Variants in NEK10 observed in about 807,000 individuals in gnomAD.
NEK10 encodes NIMA related kinase 10.
NEK10 carries 122 observed loss-of-function variants against 159.8 expected under a neutral mutation model. That is an observed-to-expected ratio of 0.76 (90% CI 0.66 to 0.89). The LOEUF is 0.89. Among genes scored for constraint, NEK10 ranks in the 40% least tolerant of loss-of-function variants. The pLI is 0.00. For missense variants in NEK10, 1,342 were observed against 1,323.1 expected, an observed-to-expected ratio of 1.01 and a Z score of -0.22; for synonymous variants, 466 against 457.1, an observed-to-expected ratio of 1.02 and a Z score of -0.25.
chr3:27,311,218 T>G, intron 8 of NEK10: 1 of 422,068 alleles, frequency 2.4e-6, no homozygotes, highest in East Asian at 3.8e-5. Flanking sequence ...ATTTATTTTC[T>G]AATATTATTG....
chr3:27,278,465 C>T (rs2041922916), intron 22 of NEK10, among the ~76,000 whole-genome samples: 1 of 152,180 alleles, frequency 6.6e-6, no homozygotes, highest in African/African-American at 2.4e-5. Flanking sequence ...AATGCCTGAC[C>T]TGTGATAACA....
intron 22 of NEK10, 52 bp downstream of exon 22, chr3:27,284,550 G>C: frequency 9.9e-7 from 1 of 1,014,996 alleles, no homozygotes; most frequent in Non-Finnish European, 1.6e-6. Context: ...TACTACTCTA[G>C]GATAGTATTC....
intron 12 of NEK10, among the ~76,000 whole-genome samples, chr3:27,302,781 C>T (rs1342159415): frequency 6.6e-6 from 1 of 152,198 alleles, no homozygotes; most frequent in East Asian, 1.9e-4. Flanking sequence ...CTAGTGTCCT[C>T]CCTGCAATGA....
chr3:27,225,377 C>T (rs1267258437), intron 23 of NEK10, among the ~76,000 whole-genome samples: 1 of 152,184 alleles, frequency 6.6e-6, no homozygotes, highest in Non-Finnish European at 1.5e-5. Flanking sequence ...ATCCTTCAAT[C>T]CAATCAAGTT....
At chr3:27,185,020 T>C (rs969516668) in intron 26 of NEK10, among the ~76,000 whole-genome samples, 2 of 152,194 alleles carry the variant, frequency 1.3e-5, no homozygotes, top group African/African-American at 4.8e-5. Context: ...ATGCTCAACT[T>C]TAAAGACATC....
At chr3:27,197,453 G>C (rs79061727) in intron 25 of NEK10, among the ~76,000 whole-genome samples, 13 of 152,170 alleles carry the variant, frequency 8.5e-5, no homozygotes, top group Admixed American at 8.5e-4. Flanking sequence ...TGGTATCACA[G>C]GTGTGAGCCA....
intron 23 of NEK10, among the ~76,000 whole-genome samples, chr3:27,234,260 C>T (rs1297842832): frequency 6.7e-6 from 1 of 149,754 alleles, no homozygotes; most frequent in Admixed American, 6.7e-5. Flanking sequence ...GAAATTCTGG[C>T]CAGGACAATC....
chr3:27,163,755 T>C (rs1575066385), intron 29 of NEK10, among the ~76,000 whole-genome samples: 5 of 152,338 alleles, frequency 3.3e-5, no homozygotes, highest in Middle Eastern at 6.8e-3. Flanking sequence ...AACAAAAATA[T>C]ATCATACATG....
At chr3:27,196,203 C>T (rs558539582) in intron 25 of NEK10, among the ~76,000 whole-genome samples, 6 of 152,198 alleles carry the variant, frequency 3.9e-5, no homozygotes. Flanking sequence ...CTGTTCTGCT[C>T]TGTTCTGATT....
chr3:27,179,106 A>G (rs1380546889), intron 26 of NEK10, among the ~76,000 whole-genome samples: 1 of 152,196 alleles, frequency 6.6e-6, no homozygotes, highest in Non-Finnish European at 1.5e-5. Flanking sequence ...GTCTATTTTC[A>G]TCAGGGAATC....
chr3:27,258,753 C>G (rs1400745801), intron 22 of NEK10, among the ~76,000 whole-genome samples: 10 of 152,200 alleles, frequency 6.6e-5, no homozygotes, highest in Non-Finnish European at 1.3e-4. Context: ...ATGGCTGGGT[C>G]AAATGCTATT....
At chr3:27,343,347 C>G (rs1407264614) in intron 5 of NEK10, among the ~76,000 whole-genome samples, 2 of 152,172 alleles carry the variant, frequency 1.3e-5, no homozygotes, top group Non-Finnish European at 2.9e-5. Context: ...AGCTATTGCA[C>G]TGGGCCAAGT....
At chr3:27,300,243 C>T (rs535297892) in intron 13 of NEK10, among the ~76,000 whole-genome samples, 2 of 152,248 alleles carry the variant, frequency 1.3e-5, no homozygotes, top group South Asian at 4.1e-4. Flanking sequence ...GAATGAGTCT[C>T]ACTTGAGATC....
At chr3:27,337,963 A>T (rs973714759) in intron 5 of NEK10, among the ~76,000 whole-genome samples, 7 of 152,084 alleles carry the variant, frequency 4.6e-5, no homozygotes, top group Non-Finnish European at 2.9e-5. Context: ...TTATTATTAT[A>T]CTTTAAGTTC....
In NEK10 at chr3:27,344,324, T is replaced by C. The variant is rs774122773; in HGVS notation, c.310A>G (p.Lys104Glu). 1.3e-5 allele frequency: 21 copies of C among 1,598,796 alleles called. No homozygotes were observed. Among genetic ancestry groups the C allele is most frequent in the Non-Finnish European group, 3.4e-6 (4 of 1,169,744 alleles). ...ERNFSKHPQR[K>E]LFQEIFTALV... The stretch of plus-strand genomic sequence containing the variant: ...GCGGTAAAGATCTCCTGAAATAGTT[T>C]ACGCTGAGGATGTTTGCTGAAATTT... Residue 104 changes from lysine to glutamate, a missense_variant, in exon 5 of 36, where the codon AAA becomes GAA. Physicochemically the swap from Lys to Glu is moderately conservative, Grantham distance 56. Coordinates refer to ENST00000691995, the MANE Select transcript of NEK10 (RefSeq NM_001394966.1).
intron 26 of NEK10, among the ~76,000 whole-genome samples, chr3:27,186,110 A>G (rs17628423): frequency 0.029 from 4,369 of 152,328 alleles, 84 homozygotes; most frequent in African/African-American, 0.036. Flanking sequence ...CCTGTTAGAC[A>G]TGCAGGTGAA....
chr3:27,149,943 A>G (rs1314624126), intron 30 of NEK10, among the ~76,000 whole-genome samples: 1 of 152,258 alleles, frequency 6.6e-6, no homozygotes, highest in Non-Finnish European at 1.5e-5. Context: ...CAGTGAACAC[A>G]TGAATAATAA....
At chr3:27,143,444 C>A (rs1362723118) in intron 30 of NEK10, 1 of 761,412 alleles carries the variant, frequency 1.3e-6, no homozygotes, top group Non-Finnish European at 2.4e-6. Context: ...TTTGACTCTA[C>A]CTTGCCACAA....
In NEK10 at chr3:27,171,867, A is replaced by G. The variant is rs1947018384; in HGVS notation, c.2783T>C (p.Leu928Ser). The change falls in exon 29 of 36, where the codon TTA becomes TCA. Residue 928 changes from leucine (L) to serine (S), a missense_variant. Transcript: ENST00000691995. ...TCCTGAAGCACTAAAACTTCTCTTTAAAATGTCTGAGACGAGAAAATAGAA... is the reference window on the plus strand; with the variant it reads ...TCCTGAAGCACTAAAACTTCTCTTTGAAATGTCTGAGACGAGAAAATAGAA... ...SPLKESTFNI[L>S]KRSFSASGGE... 1.9e-6 allele frequency: 3 copies of G among 1,613,208 alleles called. No homozygotes were observed. The highest frequency in any genetic ancestry group is 2.5e-6 in the Non-Finnish European group (3 of 1,179,520).
Sources: allele counts gnomAD v4.1 joint callset (sites outside exome capture counted in the v4.1 genomes callset), GRCh38; gene constraint gnomAD v4.1.1; transcripts MANE v1.5; gene names NCBI Gene and HGNC (gene_info 2026-07-23, HGNC 2026-07-21).